Variants in DIS3L2 observed in about 807,000 individuals in gnomAD.
The protein encoded by DIS3L2 is DIS3-like exonuclease 2.
Under a neutral mutation model 97.5 loss-of-function variants are expected in DIS3L2, and 34 were observed. The observed-to-expected ratio is 0.35, with a 90% CI of 0.27 to 0.46. The LOEUF (loss-of-function observed/expected upper bound fraction) is 0.46, where lower values mean the gene tolerates loss of function less well. DIS3L2 is among the 20% of genes least tolerant of loss of function. The pLI is 1.00. For missense variants in DIS3L2, 1,038 were observed against 1,146.0 expected, an observed-to-expected ratio of 0.91 and a Z score of 1.36; for synonymous variants, 435 against 445.2, an observed-to-expected ratio of 0.98 and a Z score of 0.29.
intron 9 of DIS3L2, among the ~76,000 whole-genome samples, chr2:232,200,629 A>C (rs1414347313): frequency 6.6e-6 from 1 of 152,168 alleles, no homozygotes; most frequent in Non-Finnish European, 1.5e-5. Flanking sequence ...TAAAAAAAAA[A>C]ATTGGGGGCA....
chr2:232,336,651 C>T lies in DIS3L2; in HGVS notation c.*21C>T, dbSNP rs554776996. The T allele has an allele frequency of 6.2e-5, 95 of 1,541,398 alleles. 1 individual carries two copies. The South Asian group carries it at 8.2e-4, about 13-fold the overall frequency. Reference sequence around the variant, plus strand: ...GCTGAGCTCCACCAGCCGCCTGCCCCGCCTGCCCCGCCTGCCTGTCCCGCC... The same window carrying T: ...GCTGAGCTCCACCAGCCGCCTGCCCTGCCTGCCCCGCCTGCCTGTCCCGCC... On this transcript the variant is annotated 3_prime_UTR_variant, in exon 21 of 21. Transcript: ENST00000325385.
At chr2:232,313,038 C>T (rs1024248723) in intron 14 of DIS3L2, among the ~76,000 whole-genome samples, 2 of 151,980 alleles carry the variant, frequency 1.3e-5, no homozygotes, top group Non-Finnish European at 1.5e-5. Flanking sequence ...CTCATCATGT[C>T]ATCTGCAAAT....
chr2:232,319,129 C>T (rs1441041523), intron 14 of DIS3L2, among the ~76,000 whole-genome samples: 1 of 152,062 alleles, frequency 6.6e-6, no homozygotes, highest in Non-Finnish European at 1.5e-5. Flanking sequence ...GTAAGGAGCA[C>T]CCAGTGTCTT....
intron 6 of DIS3L2, among the ~76,000 whole-genome samples, chr2:232,106,974 T>C (rs1697374703): frequency 6.6e-6 from 1 of 152,136 alleles, no homozygotes; most frequent in Non-Finnish European, 1.5e-5. Context: ...TGCAACCACA[T>C]GGAAATTAAA....
At chr2:232,017,250 C>T (rs1426373845) in intron 3 of DIS3L2, among the ~76,000 whole-genome samples, 1 of 151,990 alleles carries the variant, frequency 6.6e-6, no homozygotes, top group African/African-American at 2.4e-5. Context: ...TTAGTCATGC[C>T]ATCATGCCTG....
At chr2:232,245,274 A>G (rs1259608079) in intron 11 of DIS3L2, among the ~76,000 whole-genome samples, 1 of 152,158 alleles carries the variant, frequency 6.6e-6, no homozygotes. Flanking sequence ...ACCTGGGTGC[A>G]TGGACTGTTG....
At chr2:232,200,618 C>T (rs1478421918) in intron 9 of DIS3L2, among the ~76,000 whole-genome samples, 1 of 149,738 alleles carries the variant, frequency 6.7e-6, no homozygotes, top group Non-Finnish European at 1.5e-5. Flanking sequence ...TGTAATGACA[C>T]TAAAAAAAAA....
intron 1 of DIS3L2, among the ~76,000 whole-genome samples, chr2:231,997,561 G>T (rs2106198768): frequency 6.6e-6 from 1 of 152,256 alleles, no homozygotes; most frequent in Admixed American, 6.5e-5. Context: ...CATGTTAGGG[G>T]TATATCAAAA....
chr2:232,085,433 C>T (rs1574862225), intron 5 of DIS3L2, among the ~76,000 whole-genome samples: 2 of 152,042 alleles, frequency 1.3e-5, no homozygotes, highest in African/African-American at 4.8e-5. Flanking sequence ...GTGCCTGGCA[C>T]GAGGTGGGCA....
chr2:232,101,238 A>G (rs557794738), intron 6 of DIS3L2, among the ~76,000 whole-genome samples: 32 of 151,694 alleles, frequency 2.1e-4, no homozygotes, highest in Admixed American at 1.9e-3. Flanking sequence ...AAAAAAAGAT[A>G]TACCTTCCAT....
chr2:232,149,264 G>C (rs1473629109), intron 8 of DIS3L2, among the ~76,000 whole-genome samples: 1 of 142,644 alleles, frequency 7.0e-6, no homozygotes, highest in Non-Finnish European at 1.5e-5. Context: ...AGTTACATAT[G>C]TATACATGTG....
intron 14 of DIS3L2, among the ~76,000 whole-genome samples, chr2:232,310,770 A>T (rs1695104645): frequency 6.6e-6 from 1 of 152,238 alleles, no homozygotes; most frequent in African/African-American, 2.4e-5. Context: ...GTGGGGCCCT[A>T]GAACAACTAC....
At chr2:232,009,066 A>G (rs1694127495) in intron 1 of DIS3L2, among the ~76,000 whole-genome samples, 1 of 151,700 alleles carries the variant, frequency 6.6e-6, no homozygotes, top group African/African-American at 2.4e-5. Context: ...GCTCTTTTTT[A>G]TAATTTCTCT....
At chr2:232,239,470 C>G (rs16828710) in intron 11 of DIS3L2, among the ~76,000 whole-genome samples, 6,346 of 152,304 alleles carry the variant, frequency 0.042, 672 homozygotes, top group East Asian at 0.41. Context: ...TCTTCTTTCC[C>G]TTCTCTGATC....
chr2:232,171,362 T>C (rs1690985644), intron 9 of DIS3L2, among the ~76,000 whole-genome samples: 1 of 152,210 alleles, frequency 6.6e-6, no homozygotes, highest in Non-Finnish European at 1.5e-5. Context: ...GAACTAGGTA[T>C]TTCAAACCCC....
intron 1 of DIS3L2, among the ~76,000 whole-genome samples, chr2:231,964,312 T>G (rs534993306): frequency 1.3e-4 from 20 of 152,322 alleles, no homozygotes; most frequent in African/African-American, 4.8e-4. Context: ...TGAGGTGTGG[T>G]TAGTATATTC....
At chr2:232,112,287 C>T (rs1697560342) in intron 6 of DIS3L2, among the ~76,000 whole-genome samples, 1 of 152,204 alleles carries the variant, frequency 6.6e-6, no homozygotes, top group Non-Finnish European at 1.5e-5. Context: ...AGGCCATTAT[C>T]CTTCAGCAAA....
Position 232,205,562 on chromosome 2 carries a change from A to G in DIS3L2, c.1125-4764A>G, listed in dbSNP as rs540470886. Among the ~76,000 whole-genome samples the G allele has an allele frequency of 3.9e-5, 6 of 152,196 alleles. No individual in the cohort carries two copies. The South Asian group carries it at 1.2e-3, about 32-fold the overall frequency. ...AGCAGTCTGCCCACCGCGGCCTCCC[A>G]AAGTGCTGGAATTACAGCCATGAGC... On this transcript the variant is annotated intron_variant, in intron 9 of 20. Coordinates refer to ENST00000325385, the MANE Select transcript of DIS3L2 (RefSeq NM_152383.5).
At chr2:232,310,891 C>T (rs755199707) in intron 14 of DIS3L2, among the ~76,000 whole-genome samples, 21 of 152,252 alleles carry the variant, frequency 1.4e-4, no homozygotes, top group Non-Finnish European at 2.5e-4. Flanking sequence ...GTCACAGTCA[C>T]CCAGTCTCCT....
Sources: gnomAD v4.1 joint callset for allele counts (sites outside exome capture counted in the v4.1 genomes callset) on GRCh38, gnomAD v4.1.1 for gene constraint, MANE v1.5 for transcripts, NCBI Gene and HGNC (gene_info 2026-07-23, HGNC 2026-07-21) for gene names.